Variants in EXOC3L2 observed in about 807,000 individuals in gnomAD.
EXOC3L2 encodes the protein exocyst complex component 3 like 2.
Under a neutral mutation model 44.4 loss-of-function variants are expected in EXOC3L2, and 17 were observed. The ratio of observed to expected loss-of-function variants is 0.38; its 90% CI spans 0.26 to 0.57. The LOEUF (loss-of-function observed/expected upper bound fraction) is 0.57. Among genes scored for constraint, EXOC3L2 ranks in the 20% least tolerant of loss-of-function variants. EXOC3L2 has a pLI of 0.65. For synonymous variants in EXOC3L2, 256 were observed against 253.7 expected, an observed-to-expected ratio of 1.01 and a Z score of -0.09; for missense variants, 541 against 588.4, an observed-to-expected ratio of 0.92 and a Z score of 0.83.
rs145952987 is a variant in EXOC3L2, at chr19:45,226,666, C to T, written c.1583+996G>A. Reference sequence around the variant, plus strand: ...GACCAGGCTGGTCTTGAACTCCTGACCTGAGATGAACTGCTCGCCTCGGCC... The same window carrying T: ...GACCAGGCTGGTCTTGAACTCCTGATCTGAGATGAACTGCTCGCCTCGGCC... On this transcript the variant is annotated intron_variant, in intron 7 of 11. Transcript: ENST00000413988. Among the ~76,000 whole-genome samples, 1,432 of 151,710 alleles carry T rather than the reference C, an allele frequency of 9.4e-3. 26 individuals carry two copies. The highest frequency in any genetic ancestry group is 0.033 in the African/African-American group (1,352 of 41,258).
chr19:45,214,530 T>C (rs1303361105), intron 11 of EXOC3L2, among the ~76,000 whole-genome samples: 2 of 152,168 alleles, frequency 1.3e-5, no homozygotes, highest in East Asian at 3.9e-4. Context: ...AGTGGCGCGA[T>C]CTCAGCTCAC....
At chr19:45,225,133 T>TG (rs1969943606) in intron 7 of EXOC3L2, among the ~76,000 whole-genome samples, 1 of 69,870 alleles carries the variant, frequency 1.4e-5, no homozygotes, top group Non-Finnish European at 2.8e-5. Flanking sequence ...TCATGGATGT[T>TG]GGGGGGCTGA....
intron 9 of EXOC3L2, 26 bp downstream of exon 9, chr19:45,218,171 C>T (rs1238750157): frequency 9.7e-6 from 13 of 1,340,210 alleles, no homozygotes; most frequent in Non-Finnish European, 1.3e-5. Flanking sequence ...CCCACCCCCA[C>T]CTCCCCTCCC....
chr19:45,228,016 A>G lies in EXOC3L2; in HGVS notation c.1430T>C (p.Met477Thr), dbSNP rs1276550952. 3.1e-6 allele frequency: 5 copies of G among 1,614,056 alleles called. No individual in the cohort carries two copies. The highest frequency in any genetic ancestry group is 3.4e-6 in the Non-Finnish European group (4 of 1,180,018). The change falls in exon 6 of 12, where the codon ATG becomes ACG. Residue 477 changes from methionine (M) to threonine (T), a missense_variant. Coordinates refer to ENST00000413988, the MANE Select transcript of EXOC3L2 (RefSeq NM_001382422.1). ...CAGCCCGCCTAGGCAGCAGTGGGCC[A>G]TCCGCTCCCCAAACTCCTGGCTGAT... ...PRISQEFGER[M>T]AHCCLGGLAE...
chr19:45,244,586 C>T (rs976385969), intron 1 of EXOC3L2, among the ~76,000 whole-genome samples: 17 of 152,260 alleles, frequency 1.1e-4, no homozygotes, highest in African/African-American at 3.1e-4. Flanking sequence ...CGAGGCATCC[C>T]TCAAGCCCCC....
intron 2 of EXOC3L2, among the ~76,000 whole-genome samples, chr19:45,237,062 T>C (rs1970090470): frequency 6.8e-6 from 1 of 147,192 alleles, no homozygotes; most frequent in Non-Finnish European, 1.5e-5. Flanking sequence ...AGGTGGGTGC[T>C]GAGAGGGGCC....
intron 7 of EXOC3L2, 34 bp from the exon 8 acceptor site, chr19:45,224,947 C>T (rs745475883): frequency 5.4e-6 from 8 of 1,490,244 alleles, no homozygotes; most frequent in Non-Finnish European, 7.2e-6. Context: ...ACTGAGGGAC[C>T]CCAACATCTC....
intron 2 of EXOC3L2, among the ~76,000 whole-genome samples, chr19:45,236,380 TG>T (rs1405641900): frequency 1.4e-5 from 2 of 145,646 alleles, no homozygotes; most frequent in Non-Finnish European, 3.0e-5. Flanking sequence ...ACAGGAGAAT[TG>T]CTTGAACCCA....
intron 2 of EXOC3L2, among the ~76,000 whole-genome samples, chr19:45,236,240 C>T (rs1020958875): frequency 6.6e-6 from 1 of 151,332 alleles, no homozygotes; most frequent in East Asian, 1.9e-4. Context: ...GGAAGGTGGG[C>T]GGATCACCTG....
At chr19:45,236,160 G>A (rs1405283639) in intron 2 of EXOC3L2, among the ~76,000 whole-genome samples, 1 of 151,962 alleles carries the variant, frequency 6.6e-6, no homozygotes, top group African/African-American at 2.4e-5. Flanking sequence ...TGAAAGCTGA[G>A]GATGGAAAGG....
chr19:45,214,877 C>T (rs1457958317), intron 11 of EXOC3L2, among the ~76,000 whole-genome samples: 1 of 152,010 alleles, frequency 6.6e-6, no homozygotes, highest in Non-Finnish European at 1.5e-5. Flanking sequence ...ACTTATAGGC[C>T]AAGCGCAGTG....
chr19:45,222,321 T>A lies in EXOC3L2; in HGVS notation c.1719+2457A>T, dbSNP rs532050934. Reference sequence around the variant, plus strand: ...TTCAAGCGATTCTCCTGCCTCAGCCTCCCGAGTAGCTGGAATTACAGGCGC... The same window carrying A: ...TTCAAGCGATTCTCCTGCCTCAGCCACCCGAGTAGCTGGAATTACAGGCGC... On this transcript the variant is annotated intron_variant, in intron 8 of 11. Transcript: ENST00000413988. Among the ~76,000 whole-genome samples the A allele has an allele frequency of 2.8e-4, 43 of 151,496 alleles. No homozygotes were observed. The East Asian group carries it at 6.7e-3, about 24-fold the overall frequency.
At chr19:45,230,263 G>C (rs1016671918) in intron 4 of EXOC3L2, among the ~76,000 whole-genome samples, 20 of 152,136 alleles carry the variant, frequency 1.3e-4, no homozygotes, top group Admixed American at 6.6e-4. Context: ...CTGTCGCCCA[G>C]GCTGGAGTGC....
intron 4 of EXOC3L2, among the ~76,000 whole-genome samples, chr19:45,229,304 A>C (rs1970003873): frequency 8.3e-6 from 1 of 119,870 alleles, no homozygotes; most frequent in South Asian, 2.5e-4. Context: ...ATATATACAT[A>C]TATTTATGTA....
chr19:45,224,396 TCTC>T (rs2122968073), intron 8 of EXOC3L2, among the ~76,000 whole-genome samples: 1 of 152,056 alleles, frequency 6.6e-6, no homozygotes, highest in Admixed American at 6.6e-5. Flanking sequence ...CTGCAGTCTC[TCTC>T]CTCAGTGCTC....
rs371153611 is a variant in EXOC3L2, at chr19:45,213,153, G to C, written c.2325C>G (p.Pro775=). ...LSLPLFLGRL[P]LSRLARPSLA... ...AACTGGGCCTGGCCAGCCGGGAGAG[G>C]GGGAGGCGGCCCAGGAAGAGAGGGA... Residue 775 remains proline, a synonymous_variant, in exon 12 of 12, where the codon CCC becomes CCG. Transcript: ENST00000413988. 2.1e-5 allele frequency: 33 copies of C among 1,590,944 alleles called. 1 individual carries two copies. The African/African-American group carries it at 2.4e-4, about 12-fold the overall frequency.
rs1235598227 is a variant in EXOC3L2 at position 45,228,007 on chromosome 19, C to T, written c.1439G>A (p.Cys480Tyr). Reference sequence around the variant, plus strand: ...GAACTCTGCCAGCCCGCCTAGGCAGCAGTGGGCCATCCGCTCCCCAAACTC... The same window carrying T: ...GAACTCTGCCAGCCCGCCTAGGCAGTAGTGGGCCATCCGCTCCCCAAACTC... ...SQEFGERMAH[C>Y]CLGGLAEFLQ... The change falls in exon 6 of 12, where the codon TGC (cysteine) becomes TAC (tyrosine). Residue 480 changes from cysteine (C) to tyrosine (Y), a missense_variant. Cys to Tyr is a radical substitution (Grantham distance 194, BLOSUM62 -2). Transcript: ENST00000413988. 6.2e-7 allele frequency: 1 copy of T among 1,614,030 alleles called. No homozygotes were observed. Among genetic ancestry groups the T allele is most frequent in the Non-Finnish European group, 8.5e-7 (1 of 1,180,026 alleles).
chr19:45,228,308 C>T, intron 4 of EXOC3L2, 42 bp from the exon 5 acceptor site: 1 of 1,573,510 alleles, frequency 6.4e-7, no homozygotes, highest in Non-Finnish European at 8.7e-7. Flanking sequence ...TTGGGGGCGG[C>T]CTGGAGGTCT....
intron 11 of EXOC3L2, among the ~76,000 whole-genome samples, chr19:45,214,116 C>G (rs1403291516): frequency 6.6e-6 from 1 of 152,092 alleles, no homozygotes; most frequent in Non-Finnish European, 1.5e-5. Context: ...TATTCAAGTT[C>G]AGAAACTCCA....
Sources: gnomAD v4.1 joint callset for allele counts (sites outside exome capture counted in the v4.1 genomes callset) on GRCh38, gnomAD v4.1.1 for gene constraint, MANE v1.5 for transcripts, NCBI Gene and HGNC (gene_info 2026-07-23, HGNC 2026-07-21) for gene names.